Variants in COL13A1 observed in about 807,000 individuals in gnomAD.
COL13A1 encodes the protein collagen alpha-1(XIII) chain.
A neutral mutation model predicts 130.9 loss-of-function variants in COL13A1; 89 were observed. The observed-to-expected ratio is 0.68, with a 90% CI of 0.57 to 0.81. The LOEUF (loss-of-function observed/expected upper bound fraction) is 0.81. COL13A1 is among the 30% of genes least tolerant of loss of function. The probability of loss-of-function intolerance (pLI) is 0.00; values close to 1 mark genes in which losing one functional copy is unlikely to be tolerated. For synonymous variants in COL13A1, 402 were observed against 341.6 expected (o/e 1.18, Z -1.95); for missense variants, 879 against 934.6 (o/e 0.94, Z 0.78).
chr10:69,871,814 A>G (rs1223181626), intron 3 of COL13A1, among the ~76,000 whole-genome samples: 2 of 152,222 alleles, frequency 1.3e-5, no homozygotes, highest in South Asian at 2.1e-4. Context: ...AGGATTTGCT[A>G]TATGCCAGCC....
chr10:69,932,426 A>T (rs1430617633), intron 30 of COL13A1, 134 bp from the exon 31 acceptor site: 4 of 638,682 alleles, frequency 6.3e-6, no homozygotes, highest in Admixed American at 2.2e-5. Flanking sequence ...TGACACCTCC[A>T]CATCCTCCAT....
chr10:69,929,105 C>A, intron 28 of COL13A1, 106 bp downstream of exon 28: 2 of 864,388 alleles, frequency 2.3e-6, no homozygotes, highest in Non-Finnish European at 3.6e-6. Context: ...ACCACCATAC[C>A]CTCCTGCTGC....
At chr10:69,938,449 G>A (rs1241817323) in intron 34 of COL13A1, among the ~76,000 whole-genome samples, 1 of 152,138 alleles carries the variant, frequency 6.6e-6, no homozygotes, top group Non-Finnish European at 1.5e-5. Flanking sequence ...GAGCTGGAAG[G>A]GATGTTAGCG....
intron 2 of COL13A1, among the ~76,000 whole-genome samples, chr10:69,850,235 C>T (rs1345486176): frequency 6.6e-6 from 1 of 150,928 alleles, no homozygotes; most frequent in Non-Finnish European, 1.5e-5. Context: ...GTTTGGAACT[C>T]TAGGTAAGTT....
In COL13A1 at chr10:69,880,625, G is replaced by C. The variant is rs760432752; in HGVS notation, c.513+72G>C. 3.3e-6 allele frequency: 5 copies of C among 1,508,866 alleles called. No individual in the cohort carries two copies. In the African/African-American group the frequency reaches 5.5e-5, roughly 17 times the overall value. The allele number at this position is 1,508,866 out of a possible 1,614,324, so 93.5% of individuals were successfully genotyped here. On this transcript the variant is annotated intron_variant, in intron 7 of 40. Coordinates refer to ENST00000645393, the MANE Select transcript of COL13A1 (RefSeq NM_001368882.1). ...TTGATGAAAAGGGCTTTTAGGCTGG[G>C]GATGAGGGGACAGCGAGGGCGGCTG...
intron 1 of COL13A1, among the ~76,000 whole-genome samples, chr10:69,805,514 T>A (rs904444202): frequency 6.6e-6 from 1 of 152,224 alleles, no homozygotes; most frequent in Admixed American, 6.5e-5. Flanking sequence ...CAACTCATTA[T>A]ATTTAAACTA....
intron 2 of COL13A1, among the ~76,000 whole-genome samples, chr10:69,866,537 C>G (rs2058536865): frequency 6.6e-6 from 1 of 152,218 alleles, no homozygotes; most frequent in South Asian, 2.1e-4. Context: ...TGACATTCCT[C>G]TGCCACTCAG....
intron 7 of COL13A1, among the ~76,000 whole-genome samples, chr10:69,881,961 T>C (rs1252954590): frequency 6.6e-6 from 1 of 152,236 alleles, no homozygotes; most frequent in African/African-American, 2.4e-5. Context: ...TGGTTCCTGC[T>C]GCAGTCATAG....
chr10:69,953,646 T>G (rs1271827324), intron 39 of COL13A1, among the ~76,000 whole-genome samples: 1 of 152,218 alleles, frequency 6.6e-6, no homozygotes, highest in Non-Finnish European at 1.5e-5. Context: ...ATTTGAAGGT[T>G]CTAAAAATTA....
intron 17 of COL13A1, among the ~76,000 whole-genome samples, chr10:69,909,580 C>T (rs2063149059): frequency 6.6e-6 from 1 of 152,218 alleles, no homozygotes; most frequent in Non-Finnish European, 1.5e-5. Flanking sequence ...TCTCCACTGC[C>T]TCCAAGTCCA....
intron 4 of COL13A1, among the ~76,000 whole-genome samples, chr10:69,873,706 C>A (rs904114590): frequency 3.3e-5 from 5 of 152,236 alleles, no homozygotes; most frequent in East Asian, 1.9e-4. Context: ...GACCACCCGC[C>A]CTGGCCTGGG....
rs557172362 is a variant in COL13A1 at position 69,891,997 on chromosome 10, G to A, written c.604-2555G>A. Among the ~76,000 whole-genome samples, 6 of 152,262 alleles carry A rather than the reference G, an allele frequency of 3.9e-5. No homozygotes were observed. The South Asian group carries it at 6.2e-4, about 16-fold the overall frequency. ...AGGAAAGGGACCCTTCCATGGGGCC[G>A]CTTTTCCTGCCCTCATTCTGCCACA... On this transcript the variant is annotated intron_variant, in intron 10 of 40. Transcript: ENST00000645393.
rs950571840 is a variant in COL13A1 at position 69,958,881 on chromosome 10, G to T, written c.*180G>T. ...ACCTCTTCCCTTTTGTTTACAAGAT[G>T]TTTTGTATAAGCCTATGTCTCTAAT... is the stretch of plus-strand genomic sequence containing the variant. On this transcript the variant is annotated 3_prime_UTR_variant, in exon 41 of 41. Coordinates refer to ENST00000645393, the MANE Select transcript of COL13A1 (RefSeq NM_001368882.1). 109 of 814,556 alleles carry T rather than the reference G, an allele frequency of 1.3e-4. No homozygotes were observed. The highest frequency in any genetic ancestry group is 2.0e-4 in the Non-Finnish European group (105 of 537,620). 50.5% of individuals were successfully genotyped at this position (814,556 alleles called of 1,614,324 possible).
chr10:69,941,203 G>A (rs924803492), intron 35 of COL13A1, among the ~76,000 whole-genome samples, 180 bp downstream of exon 35: 2 of 152,194 alleles, frequency 1.3e-5, no homozygotes, highest in African/African-American at 4.8e-5. Flanking sequence ...GACCAAATAT[G>A]GCTGGCCTTC....
intron 2 of COL13A1, among the ~76,000 whole-genome samples, chr10:69,843,059 T>C (rs1198680434): frequency 2.0e-5 from 3 of 152,198 alleles, no homozygotes; most frequent in Non-Finnish European, 2.9e-5. Context: ...AAAGAAATCA[T>C]GGCTCCTAGG....
chr10:69,936,853 G>A, intron 33 of COL13A1, 71 bp downstream of exon 33: 1 of 1,591,574 alleles, frequency 6.3e-7, no homozygotes, highest in South Asian at 1.1e-5. Flanking sequence ...CCTGAGACCA[G>A]CTGACCCTTT....
rs1357582648 is a variant in COL13A1 at position 69,933,257 on chromosome 10, T to A, written c.1728+653T>A. On this transcript the variant is annotated intron_variant, in intron 31 of 40. Coordinates refer to ENST00000645393, the MANE Select transcript of COL13A1 (RefSeq NM_001368882.1). ...AATCGGGCAAGCATCCCAAAAGACTTTCTATTTGGGCAGAGTCTTGACGGC... is the reference window on the plus strand; with the variant it reads ...AATCGGGCAAGCATCCCAAAAGACTATCTATTTGGGCAGAGTCTTGACGGC... Among the ~76,000 whole-genome samples the A allele has an allele frequency of 2.0e-5, 3 of 151,816 alleles. No individual in the cohort carries two copies. The South Asian group carries it at 6.2e-4, about 32-fold the overall frequency.
At chr10:69,841,139 C>T (rs557158398) in intron 2 of COL13A1, among the ~76,000 whole-genome samples, 3 of 152,010 alleles carry the variant, frequency 2.0e-5, no homozygotes, top group Non-Finnish European at 2.9e-5. Context: ...CTCTCATCAC[C>T]AGGCCTCTGC....
chr10:69,869,627 A>G (rs2058861124), intron 3 of COL13A1, among the ~76,000 whole-genome samples: 1 of 152,152 alleles, frequency 6.6e-6, no homozygotes, highest in South Asian at 2.1e-4. Flanking sequence ...GTGGAAGTAA[A>G]TTTTCAGCTA....
Sources: gnomAD v4.1 joint callset for allele counts (sites outside exome capture counted in the v4.1 genomes callset) on GRCh38, gnomAD v4.1.1 for gene constraint, MANE v1.5 for transcripts, NCBI Gene and HGNC (gene_info 2026-07-23, HGNC 2026-07-21) for gene names.